NRXN3: variants seen among roughly 807,000 people sequenced by gnomAD.
NRXN3 encodes the protein neurexin III.
A neutral mutation model predicts 137.6 loss-of-function variants in NRXN3; 32 were observed. The observed-to-expected ratio is 0.23, with a 90% CI of 0.18 to 0.31. NRXN3 has a LOEUF of 0.31. Ranked by LOEUF, NRXN3 falls within the 10% of genes least tolerant of loss-of-function variation. The probability of loss-of-function intolerance (pLI) is 1.00; values close to 1 mark genes in which losing one functional copy is unlikely to be tolerated. For synonymous variants in NRXN3, 798 were observed against 784.5 expected (o/e 1.02, Z -0.29); for missense variants, 1,574 against 2,062.5 (o/e 0.76, Z 4.59).
intron 15 of NRXN3, among the ~76,000 whole-genome samples, chr14:79,213,520 G>A (rs1287085982): frequency 6.6e-6 from 1 of 151,414 alleles, no homozygotes; most frequent in African/African-American, 2.4e-5. Context: ...AAAGAACAAG[G>A]AAGAACTTAG....
At chr14:79,015,999 G>A (rs2099578555) in intron 15 of NRXN3, among the ~76,000 whole-genome samples, 1 of 152,094 alleles carries the variant, frequency 6.6e-6, no homozygotes, top group African/African-American at 2.4e-5. Context: ...AGGACTGAAA[G>A]GGCCGTTTTT....
intron 10 of NRXN3, among the ~76,000 whole-genome samples, chr14:78,880,974 G>T (rs1254483314): frequency 6.6e-6 from 1 of 152,036 alleles, no homozygotes; most frequent in African/African-American, 2.4e-5. Flanking sequence ...TTAAATCACG[G>T]GGGCAATTAC....
chr14:78,280,578 G>T (rs1307762414), intron 3 of NRXN3, among the ~76,000 whole-genome samples: 1 of 152,186 alleles, frequency 6.6e-6, no homozygotes, highest in Non-Finnish European at 1.5e-5. Flanking sequence ...ACCACATAGA[G>T]CTGGGCCCTG....
In NRXN3 at chr14:78,361,871, A is replaced by C. The variant is rs558098701; in HGVS notation, c.757+64011A>C. On this transcript the variant is annotated intron_variant, in intron 4 of 20. Coordinates refer to ENST00000335750, the MANE Select transcript of NRXN3 (RefSeq NM_001330195.2). ...TAGGAATCACATCAAGGTACTTTTCAAAGGCTAAGTAAAAATCATAAGAAG... is the reference window on the plus strand; with the variant it reads ...TAGGAATCACATCAAGGTACTTTTCCAAGGCTAAGTAAAAATCATAAGAAG... Among the ~76,000 whole-genome samples the C allele has an allele frequency of 1.1e-3, 169 of 152,228 alleles. No homozygotes were observed. In the Middle Eastern group the frequency reaches 0.017, roughly 15 times the overall value.
At chr14:79,273,499 T>C (rs939627361) in intron 15 of NRXN3, among the ~76,000 whole-genome samples, 1 of 151,712 alleles carries the variant, frequency 6.6e-6, no homozygotes, top group African/African-American at 2.4e-5. Context: ...CCAGGCGTGG[T>C]GGTGGGCACC....
chr14:78,627,544 C>T (rs1026868329), intron 4 of NRXN3, among the ~76,000 whole-genome samples: 2 of 152,158 alleles, frequency 1.3e-5, no homozygotes, highest in African/African-American at 4.8e-5. Flanking sequence ...AAATGTGAAT[C>T]TGGATGAGGC....
rs1306958643 is a variant in NRXN3, at chr14:78,810,352, T to C, written c.2275+8T>C. The C allele has an allele frequency of 1.4e-6, 2 of 1,439,792 alleles. No individual in the cohort carries two copies. Among genetic ancestry groups the C allele is most frequent in the Admixed American group, 5.2e-5 (2 of 38,388 alleles). The allele number at this position is 1,439,792 out of a possible 1,614,324, so 89.2% of individuals were successfully genotyped here. ...GGATAAACTGTAACTCCAGTAAGTT[T>C]TCCCTCAAGTTTCATTTTGTTCTTT... On this transcript the variant is annotated splice_region_variant and intron_variant, in intron 10 of 20. Transcript: ENST00000335750.
chr14:79,486,741 A>G (rs1449437070), intron 16 of NRXN3, among the ~76,000 whole-genome samples: 2 of 152,322 alleles, frequency 1.3e-5, no homozygotes, highest in Middle Eastern at 3.4e-3. Context: ...CAGAAAATAC[A>G]TAGTGTTCTG....
At position 78,591,907 on chromosome 14, in the gene NRXN3, T is replaced by A. The variant is rs902946996; in HGVS notation, c.758-53213T>A. Among the ~76,000 whole-genome samples the A allele has an allele frequency of 2.0e-5, 3 of 152,194 alleles. No individual in the cohort carries two copies. The East Asian group carries it at 5.8e-4, about 29-fold the overall frequency. ...AATGTTTAGATTCATACTTTTAACC[T>A]GTAGCATTTTCCTACCCTTCCTGTG... On this transcript the variant is annotated intron_variant, in intron 4 of 20. Coordinates refer to ENST00000335750, the MANE Select transcript of NRXN3 (RefSeq NM_001330195.2).
chr14:79,417,907 G>A (rs1053953766), intron 15 of NRXN3, among the ~76,000 whole-genome samples: 9 of 151,330 alleles, frequency 5.9e-5, no homozygotes, highest in African/African-American at 1.9e-4. Flanking sequence ...TATGAGTGGA[G>A]ACTTTATTAA....
chr14:78,491,464 G>A (rs902980400), intron 4 of NRXN3, among the ~76,000 whole-genome samples: 1 of 152,182 alleles, frequency 6.6e-6, no homozygotes. Context: ...AGACAAGCAA[G>A]CCTCCCAGGA....
At chr14:78,517,702 A>G (rs1325391149) in intron 4 of NRXN3, among the ~76,000 whole-genome samples, 1 of 152,176 alleles carries the variant, frequency 6.6e-6, no homozygotes, top group Non-Finnish European at 1.5e-5. Flanking sequence ...TTTGCCTTCA[A>G]TTCAATTATT....
At chr14:79,023,545 A>G (rs1437363738) in intron 15 of NRXN3, among the ~76,000 whole-genome samples, 1 of 152,126 alleles carries the variant, frequency 6.6e-6, no homozygotes, top group Non-Finnish European at 1.5e-5. Flanking sequence ...TCACACTGCT[A>G]TAAAGAAATA....
intron 15 of NRXN3, among the ~76,000 whole-genome samples, chr14:79,354,594 C>G (rs567935143): frequency 6.6e-6 from 1 of 152,258 alleles, no homozygotes; most frequent in South Asian, 2.1e-4. Context: ...GTCTTTGTCT[C>G]CCAGTGCTTG....
intron 16 of NRXN3, among the ~76,000 whole-genome samples, chr14:79,565,268 T>C (rs550946190): frequency 0.25 from 947 of 3,760 alleles, 14 homozygotes; most frequent in South Asian, 0.41. Context: ...TATACACATG[T>C]GTGTGTGTAT....
chr14:78,854,868 G>A (rs962560000), intron 10 of NRXN3, among the ~76,000 whole-genome samples: 6 of 152,042 alleles, frequency 3.9e-5, no homozygotes, highest in African/African-American at 1.2e-4. Flanking sequence ...TCAAGAAATC[G>A]AGACCATCCA....
At chr14:79,182,993 T>A (rs4374088) in intron 15 of NRXN3, among the ~76,000 whole-genome samples, 1 of 152,156 alleles carries the variant, frequency 6.6e-6, no homozygotes, top group Non-Finnish European at 1.5e-5. Context: ...AAAAATCTGG[T>A]ACATGTTAAA....
intron 1 of NRXN3, among the ~76,000 whole-genome samples, chr14:78,209,446 A>G (rs567925945): frequency 1.3e-5 from 2 of 152,218 alleles, no homozygotes; most frequent in Non-Finnish European, 2.9e-5. Context: ...CTATAAAGAC[A>G]TGTCTGAGAA....
intron 1 of NRXN3, among the ~76,000 whole-genome samples, chr14:78,193,879 A>G (rs566658886): frequency 7.9e-5 from 12 of 152,122 alleles, no homozygotes; most frequent in Middle Eastern, 3.4e-3. Context: ...GGACCCATCA[A>G]TGCATGGTGG....
Sources: allele counts gnomAD v4.1 joint callset (sites outside exome capture counted in the v4.1 genomes callset), GRCh38; gene constraint gnomAD v4.1.1; transcripts MANE v1.5; gene names NCBI Gene and HGNC (gene_info 2026-07-23, HGNC 2026-07-21).